ZNF84: variants seen among roughly 807,000 people sequenced by gnomAD.
ZNF84 encodes zinc finger protein HPF2.
A neutral mutation model predicts 14.8 loss-of-function variants in ZNF84; 12 were observed. That is an observed-to-expected ratio of 0.81 (90% confidence interval 0.52 to 1.31). The LOEUF is 1.31. ZNF84 is among the 50% of genes most tolerant of loss of function. The pLI is 0.00. For synonymous variants in ZNF84, 347 were observed against 291.1 expected, an observed-to-expected ratio of 1.19 and a Z score of -1.96; for missense variants, 859 against 878.6, an observed-to-expected ratio of 0.98 and a Z score of 0.28.
chr12:133,039,520 A>G (rs1269225944), intron 1 of ZNF84, among the ~76,000 whole-genome samples: 3 of 152,202 alleles, frequency 2.0e-5, no homozygotes, highest in Admixed American at 2.0e-4. Context: ...ACAATCACTC[A>G]TTGTCCCAGT....
chr12:133,057,905 A>G lies in ZNF84; in HGVS notation c.1190A>G (p.His397Arg). Residue 397 changes from histidine (H) to arginine (R), a missense_variant, in exon 5 of 5, where the codon CAT becomes CGT. By Grantham distance (29) the His-to-Arg change is conservative. Coordinates refer to ENST00000539354, the MANE Select transcript of ZNF84 (RefSeq NM_001289971.2). ...KSELIRHQTI[H>R]TGEKPYECSE... ...GAGCTTATTAGACATCAGACAATTC[A>G]TACTGGAGAGAAACCCTATGAATGC... is the stretch of plus-strand genomic sequence containing the variant. 1.9e-6 allele frequency: 3 copies of G among 1,614,182 alleles called. No homozygotes were observed. The highest frequency in any genetic ancestry group is 2.5e-6 in the Non-Finnish European group (3 of 1,180,026).
At position 133,063,248 on chromosome 12, in the gene ZNF84, ATTC is replaced by A. The variant is rs1240175177; in HGVS notation, c.*4321_*4323del. The stretch of plus-strand genomic sequence containing the variant: ...GCCCTTTTCATGTCTTGATTGTTGA[ATTC>A]TTCTGTGAGATACTCCAAATATCCT... On this transcript the variant is annotated 3_prime_UTR_variant, in exon 5 of 5. Transcript: ENST00000539354. 1.6e-4 allele frequency: 114 copies of A among 702,326 alleles called. 1 individual carries two copies. Among genetic ancestry groups the A allele is most frequent in the South Asian group, 7.5e-4 (51 of 67,596 alleles). The allele number at this position is 702,326 out of a possible 1,614,324, so 43.5% of individuals were successfully genotyped here.
rs1953868426 is a variant in ZNF84 at position 133,040,526 on chromosome 12, T to G, written c.-190-752T>G. ...GTTCAAAGTTGCAGTGAGCTCTGATTGTGCCACTGCATGCCAGCCTGGGTT... is the reference window on the plus strand; with the variant it reads ...GTTCAAAGTTGCAGTGAGCTCTGATGGTGCCACTGCATGCCAGCCTGGGTT... On this transcript the variant is annotated intron_variant, in intron 1 of 4. Transcript: ENST00000539354. 3 of 146,748 alleles carry G rather than the reference T, an allele frequency of 2.0e-5. No homozygotes were observed. The Admixed American group carries it at 2.1e-4, about 10-fold the overall frequency. The allele number at this position is 146,748 out of a possible 1,614,324, so 9.1% of individuals were successfully genotyped here.
Position 133,058,059 on chromosome 12 carries a change from A to G in ZNF84, c.1344A>G (p.Ser448=), listed in dbSNP as rs1354312289. ...TCTCCCAGAAGTCACATCTCATATC[A>G]CATCAGATGACACACACAGGAGAAA... ...KAFSQKSHLI[S]HQMTHTGEKP... Residue 448 remains serine, a synonymous_variant, in exon 5 of 5, where the codon TCA becomes TCG. Coordinates refer to ENST00000539354, the MANE Select transcript of ZNF84 (RefSeq NM_001289971.2). The G allele has an allele frequency of 3.7e-6, 6 of 1,613,040 alleles. No individual in the cohort carries two copies. Among genetic ancestry groups the G allele is most frequent in the Non-Finnish European group, 5.1e-6 (6 of 1,179,766 alleles).
At position 133,057,717 on chromosome 12, in the gene ZNF84, C is replaced by G. The variant is rs76518979; in HGVS notation, c.1002C>G (p.Leu334=). Residue 334 remains leucine (L), a synonymous_variant, in exon 5 of 5, where the codon CTC becomes CTG. Transcript: ENST00000539354. ...GGGCCTTTAGTGAAAAGTCCAATCTCATTAACCATCAGAGAATTCATACCG... is the reference window on the plus strand; with the variant it reads ...GGGCCTTTAGTGAAAAGTCCAATCTGATTAACCATCAGAGAATTCATACCG... ...CGRAFSEKSN[L]INHQRIHTGE... The G allele has an allele frequency of 5.0e-6, 8 of 1,613,968 alleles. No homozygotes were observed. The East Asian group carries it at 6.7e-5, about 13-fold the overall frequency.
At chr12:133,051,426 A>G (rs901398478) in intron 4 of ZNF84, among the ~76,000 whole-genome samples, 14 of 152,080 alleles carry the variant, frequency 9.2e-5, no homozygotes, top group Non-Finnish European at 1.8e-4. Flanking sequence ...AGATCCCCCT[A>G]TGTTCAGAGT....
rs1954277450 is a variant in ZNF84, at chr12:133,062,264, CTT to C, written c.*3336_*3337del. The C allele has an allele frequency of 6.6e-6, 1 of 152,184 alleles. No individual in the cohort carries two copies. Among genetic ancestry groups the C allele is most frequent in the Non-Finnish European group, 1.5e-5 (1 of 68,048 alleles). 9.4% of individuals were successfully genotyped at this position (152,184 alleles called of 1,614,324 possible). On this transcript the variant is annotated 3_prime_UTR_variant, in exon 5 of 5. Coordinates refer to ENST00000539354, the MANE Select transcript of ZNF84 (RefSeq NM_001289971.2). Reference sequence around the variant, plus strand: ...TGTATCAGGATTGCCTTCTGTGTGACTTTTTCTTGCAGGATCTGACATCATTA... The same window carrying C: ...TGTATCAGGATTGCCTTCTGTGTGACTTTCTTGCAGGATCTGACATCATTA...
intron 4 of ZNF84, among the ~76,000 whole-genome samples, chr12:133,055,789 T>C (rs1198991798): frequency 6.6e-6 from 1 of 152,048 alleles, no homozygotes; most frequent in Admixed American, 6.6e-5. Context: ...TGAGACCTGC[T>C]AAAAGTCCTC....
At position 133,063,212 on chromosome 12, in the gene ZNF84, G is replaced by A. The variant is rs1379737396; in HGVS notation, c.*4280G>A. On this transcript the variant is annotated 3_prime_UTR_variant, in exon 5 of 5. Transcript: ENST00000539354. ...CTGGTTCTTCTGGTCTTCATGTTCA[G>A]GTCCACCTCTGCCCTTTTCATGTCT... The A allele has an allele frequency of 1.4e-6, 1 of 702,338 alleles. No individual in the cohort carries two copies. Among genetic ancestry groups the A allele is most frequent in the Non-Finnish European group, 2.6e-6 (1 of 384,838 alleles). The allele number at this position is 702,338 out of a possible 1,614,324, so 43.5% of individuals were successfully genotyped here. A position where few individuals can be genotyped will look rare whatever the true frequency, so the allele number is the denominator to read the frequency against.
rs1954227835 is a variant in ZNF84 at position 133,059,851 on chromosome 12, A to T, written c.*919A>T. The stretch of plus-strand genomic sequence containing the variant: ...TGATAACCCGTTTCTTTTAACTTAT[A>T]GACATACATAAGGGGTCTTTTGTTT... On this transcript the variant is annotated 3_prime_UTR_variant, in exon 5 of 5. Coordinates refer to ENST00000539354, the MANE Select transcript of ZNF84 (RefSeq NM_001289971.2). 1.3e-5 allele frequency: 2 copies of T among 152,216 alleles called. No individual in the cohort carries two copies. Among genetic ancestry groups the T allele is most frequent in the Non-Finnish European group, 2.9e-5 (2 of 68,016 alleles). The allele number at this position is 152,216 out of a possible 1,614,324, so 9.4% of individuals were successfully genotyped here.
Position 133,058,667 on chromosome 12 carries a change from G to C in ZNF84, c.1952G>C (p.Gly651Ala). The C allele has an allele frequency of 6.2e-7, 1 of 1,614,096 alleles. No individual in the cohort carries two copies. Among genetic ancestry groups the C allele is most frequent in the East Asian group, 2.2e-5 (1 of 44,864 alleles). ...SLINHQRIHT[G>A]EKPFECSECG... ...ATCAATCATCAGAGAATACATACAG[G>C]AGAGAAGCCTTTTGAATGCAGTGAG... Residue 651 changes from glycine (G) to alanine (A), a missense_variant, in exon 5 of 5, where the codon GGA (glycine) becomes GCA (alanine). Coordinates refer to ENST00000539354, the MANE Select transcript of ZNF84 (RefSeq NM_001289971.2).
chr12:133,041,133 T>C (rs1409535777), intron 1 of ZNF84, 145 bp from the exon 2 acceptor site: 1 of 328,328 alleles, frequency 3.0e-6, no homozygotes, highest in Non-Finnish European at 5.5e-6. Flanking sequence ...TTTTACTATA[T>C]TCTGTTTCCC....
chr12:133,041,995 A>G (rs954516856), intron 2 of ZNF84, among the ~76,000 whole-genome samples: 17 of 152,188 alleles, frequency 1.1e-4, no homozygotes, highest in African/African-American at 4.1e-4. Flanking sequence ...GAAATAAGCA[A>G]TTGGTAAGTT....
chr12:133,041,539 CCTTCCGGT>C (rs2137327909), intron 2 of ZNF84, 57 bp downstream of exon 2: 1 of 1,558,784 alleles, frequency 6.4e-7, no homozygotes, highest in East Asian at 2.2e-5. Context: ...AATGTATAAG[CCTTCCGGT>C]GAAAAAGAAA....
intron 4 of ZNF84, 59 bp from the exon 5 acceptor site, chr12:133,056,895 T>C (rs1408242959): frequency 1.5e-5 from 22 of 1,448,038 alleles, no homozygotes; most frequent in Non-Finnish European, 1.9e-5. Context: ...TAGTTTTGTT[T>C]TGTTTTGTTT....
In ZNF84 at chr12:133,057,389, A is replaced by G; in HGVS notation, c.674A>G (p.His225Arg). The G allele has an allele frequency of 6.2e-7, 1 of 1,614,154 alleles. No individual in the cohort carries two copies. Among genetic ancestry groups the G allele is most frequent in the South Asian group, 1.1e-5 (1 of 91,084 alleles). The part of the protein sequence containing the change: ...RFSKKPSLIK[H>R]QSRHIRDIAF... ...AGTAAGAAACCAAGTCTCATTAAACATCAGAGCAGACATATAAGAGACATA... is the reference window on the plus strand; with the variant it reads ...AGTAAGAAACCAAGTCTCATTAAACGTCAGAGCAGACATATAAGAGACATA... Residue 225 changes from histidine (H) to arginine (R), a missense_variant, in exon 5 of 5, where the codon CAT becomes CGT. His to Arg is a conservative substitution (Grantham distance 29). Coordinates refer to ENST00000539354, the MANE Select transcript of ZNF84 (RefSeq NM_001289971.2).
Position 133,057,547 on chromosome 12 carries a change from C to G in ZNF84, c.832C>G (p.Leu278Val). Residue 278 changes from leucine to valine, a missense_variant, in exon 5 of 5, where the codon CTC (leucine) becomes GTC (valine). By Grantham distance (32) the Leu-to-Val change is conservative (BLOSUM62 1). Coordinates refer to ENST00000539354, the MANE Select transcript of ZNF84 (RefSeq NM_001289971.2). ...GAAAGCCTTCTCCCAAAAGTCACAG[C>G]TCACATCCCATCAGCGGACACATAC... ...CGKAFSQKSQ[L>V]TSHQRTHTGE... is the part of the protein sequence containing the mutation. 6.2e-7 allele frequency: 1 copy of G among 1,614,184 alleles called. No homozygotes were observed. The highest frequency in any genetic ancestry group is 8.5e-7 in the Non-Finnish European group (1 of 1,180,036).
chr12:133,058,111 A>G lies in ZNF84; in HGVS notation c.1396A>G (p.Lys466Glu). The change falls in exon 5 of 5, where the codon AAA (lysine) becomes GAA (glutamate). Residue 466 changes from lysine to glutamate, a missense_variant. Lys to Glu is a moderately conservative substitution (Grantham distance 56). Transcript: ENST00000539354. Reference sequence around the variant, plus strand: ...ACCCTTTATATGCAGTAAATGTGGGAAAGCCTTCAGCAGGAAATCACAGCT... The same window carrying G: ...ACCCTTTATATGCAGTAAATGTGGGGAAGCCTTCAGCAGGAAATCACAGCT... Reference protein sequence around the residue: ...EKPFICSKCGKAFSRKSQLVR... With the variant: ...EKPFICSKCGEAFSRKSQLVR... 1.2e-6 allele frequency: 2 copies of G among 1,614,080 alleles called. No homozygotes were observed. The highest frequency in any genetic ancestry group is 1.7e-6 in the Non-Finnish European group (2 of 1,180,032).
intron 2 of ZNF84, among the ~76,000 whole-genome samples, chr12:133,044,741 C>G (rs1019294076): frequency 4.0e-5 from 6 of 151,652 alleles, no homozygotes; most frequent in Non-Finnish European, 8.8e-5. Flanking sequence ...TGGTGAAAGC[C>G]CATCTCTATA....
Sources: allele counts gnomAD v4.1 joint callset (sites outside exome capture counted in the v4.1 genomes callset), GRCh38; gene constraint gnomAD v4.1.1; transcripts MANE v1.5; gene names NCBI Gene and HGNC (gene_info 2026-07-23, HGNC 2026-07-21).